The following GRIN2B variants were observed in gnomAD, a reference collection of about 807,000 sequenced individuals.
The protein encoded by GRIN2B is glutamate receptor ionotropic, NMDA 2B.
GRIN2B carries 5 observed loss-of-function variants against 114.5 expected under a neutral mutation model. That is an observed-to-expected ratio of 0.04 (90% confidence interval 0.02 to 0.09). The LOEUF (loss-of-function observed/expected upper bound fraction) is 0.09. Among genes scored for constraint, GRIN2B ranks in the 10% least tolerant of loss-of-function variants. The pLI, the probability that GRIN2B is intolerant of heterozygous loss-of-function variation, is 1.00. For synonymous variants in GRIN2B, 787 were observed against 745.1 expected, an observed-to-expected ratio of 1.06 and a Z score of -0.92; for missense variants, 1,108 against 1,943.5, an observed-to-expected ratio of 0.57 and a Z score of 8.08.
intron 2 of GRIN2B, among the ~76,000 whole-genome samples, chr12:13,919,294 C>T (rs1866785070): frequency 6.6e-6 from 1 of 152,140 alleles, no homozygotes; most frequent in Admixed American, 6.5e-5. Flanking sequence ...CCCCATATAT[C>T]ATGTACGTAA....
At chr12:13,690,369 T>C (rs1328549812) in intron 4 of GRIN2B, among the ~76,000 whole-genome samples, 1 of 58,942 alleles carries the variant, frequency 1.7e-5, no homozygotes, top group East Asian at 4.0e-4. Flanking sequence ...TCTCTCTCTC[T>C]CTCTCACACA....
At chr12:13,866,795 T>C (rs1433760859) in intron 2 of GRIN2B, among the ~76,000 whole-genome samples, 2 of 152,236 alleles carry the variant, frequency 1.3e-5, no homozygotes, top group African/African-American at 4.8e-5. Context: ...GCTCTTAATA[T>C]TAAACTACAA....
intron 2 of GRIN2B, among the ~76,000 whole-genome samples, chr12:13,898,755 T>C (rs567155267): frequency 2.0e-5 from 3 of 152,226 alleles, no homozygotes; most frequent in East Asian, 1.9e-4. Context: ...CTACTAAAAA[T>C]ACAAAATTAG....
At chr12:13,631,186 A>G (rs906335201) in intron 5 of GRIN2B, among the ~76,000 whole-genome samples, 3 of 152,136 alleles carry the variant, frequency 2.0e-5, no homozygotes, top group Admixed American at 6.5e-5. Flanking sequence ...TGCTCTCAGT[A>G]TATCTTGTGC....
intron 2 of GRIN2B, among the ~76,000 whole-genome samples, chr12:13,903,426 T>G (rs578178729): frequency 6.6e-6 from 1 of 152,276 alleles, no homozygotes; most frequent in East Asian, 1.9e-4. Flanking sequence ...TGTAGCATTT[T>G]AGTTATTGTT....
intron 5 of GRIN2B, among the ~76,000 whole-genome samples, chr12:13,626,160 T>C (rs537268390): frequency 6.6e-6 from 1 of 152,276 alleles, no homozygotes; most frequent in Admixed American, 6.5e-5. Context: ...AAGACCTGTC[T>C]TCTGGAACAA....
intron 2 of GRIN2B, among the ~76,000 whole-genome samples, chr12:13,975,522 A>G (rs1863004997): frequency 6.6e-6 from 1 of 152,228 alleles, no homozygotes; most frequent in African/African-American, 2.4e-5. Context: ...TTCAGAGTAG[A>G]TGCTTTCTAA....
At chr12:13,640,388 C>G (rs1355345001) in intron 5 of GRIN2B, among the ~76,000 whole-genome samples, 4 of 152,082 alleles carry the variant, frequency 2.6e-5, no homozygotes, top group Non-Finnish European at 5.9e-5. Context: ...AGTCAAAACC[C>G]CTGCTTCCAT....
chr12:13,615,247 G>A lies in GRIN2B; in HGVS notation c.1521C>T (p.Tyr507=), dbSNP rs767577343. 5 of 1,614,048 alleles carry A rather than the reference G, an allele frequency of 3.1e-6. No individual in the cohort carries two copies. Among genetic ancestry groups the A allele is most frequent in the Non-Finnish European group, 4.2e-6 (5 of 1,179,922 alleles). Residue 507 remains tyrosine (Y), a synonymous_variant, in exon 8 of 14, where the codon TAC becomes TAT. Transcript: ENST00000609686. The surrounding 1 kb of genome is among the most constrained non-coding windows in gnomAD (Gnocchi z 5.8). The part of the protein sequence containing the change: ...MIGEVVMKRA[Y]MAVGSLTINE... ...TGATGGTGAGTGAGCCCACTGCCATGTAGGCCCTCTTCATGACCACCTAAA... is the reference window on the plus strand; with the variant it reads ...TGATGGTGAGTGAGCCCACTGCCATATAGGCCCTCTTCATGACCACCTAAA...
chr12:13,891,134 C>T (rs922517254), intron 2 of GRIN2B, among the ~76,000 whole-genome samples: 1 of 152,190 alleles, frequency 6.6e-6, no homozygotes, highest in African/African-American at 2.4e-5. Context: ...TGGATTGGAA[C>T]ACAATTGCAG....
intron 4 of GRIN2B, among the ~76,000 whole-genome samples, chr12:13,711,702 T>C (rs1950416775): frequency 6.6e-6 from 1 of 152,052 alleles, no homozygotes; most frequent in Admixed American, 6.6e-5. Context: ...CCAGTTAGAA[T>C]GGCAATCATT....
chr12:13,812,463 T>C (rs2136685335), intron 3 of GRIN2B, among the ~76,000 whole-genome samples: 1 of 134,198 alleles, frequency 7.5e-6, no homozygotes, highest in East Asian at 2.0e-4. Flanking sequence ...TATGTATTTA[T>C]CTTTTTTTTT....
chr12:13,903,703 G>C (rs542802030), intron 2 of GRIN2B, among the ~76,000 whole-genome samples: 1 of 151,944 alleles, frequency 6.6e-6, no homozygotes, highest in Non-Finnish European at 1.5e-5. Context: ...CTTTTTACTA[G>C]AGTGTTCTGT....
At chr12:13,836,982 C>A (rs1483425388) in intron 3 of GRIN2B, among the ~76,000 whole-genome samples, 1 of 152,200 alleles carries the variant, frequency 6.6e-6, no homozygotes, top group East Asian at 1.9e-4. Context: ...GCACTGCTAT[C>A]CCCGGGCTCT....
chr12:13,867,036 C>G (rs897237898), intron 2 of GRIN2B, among the ~76,000 whole-genome samples: 3 of 151,894 alleles, frequency 2.0e-5, no homozygotes, highest in African/African-American at 7.2e-5. Flanking sequence ...TATTACACTA[C>G]GTGGAACTGC....
intron 2 of GRIN2B, among the ~76,000 whole-genome samples, chr12:13,945,851 T>C (rs979917451): frequency 6.6e-6 from 1 of 152,180 alleles, no homozygotes; most frequent in African/African-American, 2.4e-5. Context: ...CATCTATTAC[T>C]ACATTTAATT....
At chr12:13,978,320 CA>C (rs1353592434) in intron 2 of GRIN2B, among the ~76,000 whole-genome samples, 1 of 152,200 alleles carries the variant, frequency 6.6e-6, no homozygotes, top group Non-Finnish European at 1.5e-5. Flanking sequence ...CAGATAACCT[CA>C]GTCATTTGTA....
intron 3 of GRIN2B, among the ~76,000 whole-genome samples, chr12:13,851,324 T>C (rs1865561622): frequency 6.6e-6 from 1 of 152,168 alleles, no homozygotes; most frequent in Admixed American, 6.5e-5. Flanking sequence ...CTCATCTCCA[T>C]TAGCTTCTTT....
intron 3 of GRIN2B, among the ~76,000 whole-genome samples, chr12:13,776,453 A>G (rs1864005777): frequency 6.6e-6 from 1 of 152,222 alleles, no homozygotes; most frequent in African/African-American, 2.4e-5. Context: ...TTCCCATTTT[A>G]TAAATTGGGA....
Sources: allele counts gnomAD v4.1 joint callset (sites outside exome capture counted in the v4.1 genomes callset), GRCh38; gene constraint gnomAD v4.1.1; non-coding constraint Gnocchi (gnomAD v3.1); transcripts MANE v1.5; gene names NCBI Gene and HGNC (gene_info 2026-07-23, HGNC 2026-07-21).